Variants in HAAO observed in about 807,000 individuals in gnomAD.
HAAO encodes the protein 3-hydroxyanthranilate oxygenase.
In HAAO, 49 loss-of-function variants were observed where a neutral mutation model predicts 46.2. The ratio of observed to expected loss-of-function variants is 1.06; its 90% CI spans 0.84 to 1.34. The LOEUF is 1.34. Among genes scored for constraint, HAAO ranks in the 40% most tolerant of loss-of-function variants. The pLI is 0.00. For missense variants in HAAO, 408 were observed against 364.5 expected, an observed-to-expected ratio of 1.12 and a Z score of -0.97; for synonymous variants, 157 against 145.2, an observed-to-expected ratio of 1.08 and a Z score of -0.58.
chr2:42,779,834 G>C (rs1416868031), intron 4 of HAAO, among the ~76,000 whole-genome samples: 2 of 152,156 alleles, frequency 1.3e-5, no homozygotes. Context: ...AATCTGTTAA[G>C]ATATTGGGTT....
rs1480578484 is a variant in HAAO at position 42,768,014 on chromosome 2, G to T, written c.631-86C>A. ...AACCTGGCCCCCAGACACCAGGCCT[G>T]CTTGGAGCAGGGTTGGGGCCCATGA... On this transcript the variant is annotated intron_variant, in intron 7 of 9. Transcript: ENST00000294973. 4 of 1,194,250 alleles carry T rather than the reference G, an allele frequency of 3.3e-6. No homozygotes were observed. In the Admixed American group the frequency reaches 7.0e-5, roughly 21 times the overall value. 74.0% of individuals were successfully genotyped at this position (1,194,250 alleles called of 1,614,324 possible). A position where few individuals can be genotyped will look rare whatever the true frequency, so the allele number is the denominator to read the frequency against.
At chr2:42,782,912 C>G (rs1232401104) in intron 4 of HAAO, 4 of 462,202 alleles carry the variant, frequency 8.7e-6, no homozygotes, top group Non-Finnish European at 1.7e-5. Context: ...GAGCTGTGCT[C>G]TTACGACTTT....
intron 1 of HAAO, chr2:42,788,956 C>G (rs946425725): frequency 3.2e-6 from 1 of 314,398 alleles, no homozygotes; most frequent in African/African-American, 2.1e-5. Flanking sequence ...TTGAAGACCC[C>G]TTCCCAGGAT....
chr2:42,778,560 C>T (rs1002792343), intron 4 of HAAO, among the ~76,000 whole-genome samples: 1 of 152,108 alleles, frequency 6.6e-6, no homozygotes, highest in Non-Finnish European at 1.5e-5. Flanking sequence ...GAAACTCTGA[C>T]CTCATGATTT....
chr2:42,789,678 C>T (rs998412388), intron 1 of HAAO, among the ~76,000 whole-genome samples: 3 of 152,218 alleles, frequency 2.0e-5, no homozygotes, highest in Non-Finnish European at 2.9e-5. Context: ...TGAGCCAGGT[C>T]TCAGGCTCCT....
chr2:42,788,279 C>T (rs936087405), intron 2 of HAAO, among the ~76,000 whole-genome samples: 1 of 152,236 alleles, frequency 6.6e-6, no homozygotes, highest in Non-Finnish European at 1.5e-5. Context: ...ACCTCTCACC[C>T]GCAGGGCATG....
rs1573890045 is a variant in HAAO, at chr2:42,767,431, A to G, written c.*6T>C. 1.9e-6 allele frequency: 3 copies of G among 1,608,766 alleles called. No homozygotes were observed. The East Asian group carries it at 6.7e-5, about 36-fold the overall frequency. On this transcript the variant is annotated 3_prime_UTR_variant, in exon 10 of 10. Transcript: ENST00000294973. Reference sequence around the variant, plus strand: ...CCTGTGGCTGCTTCAGGCCATGGCAAGAGGGTCACCCCAGGGGCTTCTTGC... The same window carrying G: ...CCTGTGGCTGCTTCAGGCCATGGCAGGAGGGTCACCCCAGGGGCTTCTTGC...
At chr2:42,787,963 A>G (rs1261444721) in intron 2 of HAAO, among the ~76,000 whole-genome samples, 1 of 152,058 alleles carries the variant, frequency 6.6e-6, no homozygotes, top group Non-Finnish European at 1.5e-5. Context: ...CAAGCCACGA[A>G]TGGGTTTTGC....
chr2:42,788,940 A>G (rs1370754769), intron 1 of HAAO: 1 of 327,978 alleles, frequency 3.0e-6, no homozygotes, highest in Non-Finnish European at 5.9e-6. Context: ...ACAGGAGAGT[A>G]GCAAATTGAA....
At position 42,792,547 on chromosome 2, in the gene HAAO, G is replaced by C. The variant is rs770212366; in HGVS notation, c.-11C>G. ...CAGGCGGCGCTCCATGACTGTCCCGGGCGCCTCCTCGCAGCGCTGTCCTCC... is the reference window on the plus strand; with the variant it reads ...CAGGCGGCGCTCCATGACTGTCCCGCGCGCCTCCTCGCAGCGCTGTCCTCC... On this transcript the variant is annotated 5_prime_UTR_variant, in exon 1 of 10. Coordinates refer to ENST00000294973, the MANE Select transcript of HAAO (RefSeq NM_012205.3). The C allele has an allele frequency of 1.4e-5, 21 of 1,549,084 alleles. No individual in the cohort carries two copies. The South Asian group carries it at 2.4e-4, about 18-fold the overall frequency.
At chr2:42,779,953 A>G (rs537882778) in intron 4 of HAAO, among the ~76,000 whole-genome samples, 1 of 152,306 alleles carries the variant, frequency 6.6e-6, no homozygotes, top group Non-Finnish European at 1.5e-5. Context: ...GTATTTGTAT[A>G]AATATATTAT....
At position 42,767,110 on chromosome 2, in the gene HAAO, A is replaced by C; in HGVS notation, c.*327T>G. ...GGTGTGCGTTCCTCAGGAAGCCTTT[A>C]TTGAGGGCCTTCTTGGTGTGGAAGT... is the stretch of plus-strand genomic sequence containing the variant. On this transcript the variant is annotated 3_prime_UTR_variant, in exon 10 of 10. Coordinates refer to ENST00000294973, the MANE Select transcript of HAAO (RefSeq NM_012205.3). 1 of 441,340 alleles carries C rather than the reference A, an allele frequency of 2.3e-6. No homozygotes were observed. Among genetic ancestry groups the C allele is most frequent in the Non-Finnish European group, 4.2e-6 (1 of 237,330 alleles). The allele number at this position is 441,340 out of a possible 1,614,324, so 27.3% of individuals were successfully genotyped here. A position where few individuals can be genotyped will look rare whatever the true frequency, so the allele number is the denominator to read the frequency against.
Position 42,767,317 on chromosome 2 carries a change from C to A in HAAO, c.*120G>T, listed in dbSNP as rs59439781. 0.02 allele frequency: 14,639 copies of A among 733,292 alleles called. 1,457 individuals are homozygous for A. In the African/African-American group the frequency reaches 0.21, roughly 11 times the overall value. 45.4% of individuals were successfully genotyped at this position (733,292 alleles called of 1,614,324 possible). On this transcript the variant is annotated 3_prime_UTR_variant, in exon 10 of 10. Transcript: ENST00000294973. ...GGGTGGGTGACAACAATGTGCAGGT[C>A]TGTGGGGGACACAGCGGCAGTACAC... is the stretch of plus-strand genomic sequence containing the variant.
intron 1 of HAAO, chr2:42,789,278 T>C (rs935177766): frequency 6.6e-6 from 1 of 152,348 alleles, no homozygotes; most frequent in Non-Finnish European, 1.5e-5. Flanking sequence ...TATTTAAGTA[T>C]TTGATAAAAT....
In HAAO at chr2:42,769,712, C is replaced by A; in HGVS notation, c.630+1G>T. On this transcript the variant is annotated splice_donor_variant, in intron 7 of 9. Coordinates refer to ENST00000294973, the MANE Select transcript of HAAO (RefSeq NM_012205.3). LOFTEE classifies it high-confidence loss of function. ...CCCCGGATGCCCCAGGACTACATTA[C>A]CTGGGTCTCATAGGTGTCCCCAAAC... 1 of 1,608,022 alleles carries A rather than the reference C, an allele frequency of 6.2e-7. No homozygotes were observed. The highest frequency in any genetic ancestry group is 8.5e-7 in the Non-Finnish European group (1 of 1,176,948).
intron 6 of HAAO, 136 bp from the exon 7 acceptor site, chr2:42,769,994 G>T: frequency 8.7e-7 from 1 of 1,155,194 alleles, no homozygotes; most frequent in Non-Finnish European, 1.3e-6. Flanking sequence ...AAGCAGCCAT[G>T]TGGGAGGTAC....
Position 42,783,445 on chromosome 2 carries a change from C to T in HAAO, c.244-25G>A, listed in dbSNP as rs1246751300. 7 of 1,425,312 alleles carry T rather than the reference C, an allele frequency of 4.9e-6. No individual in the cohort carries two copies. The South Asian group carries it at 7.0e-5, about 14-fold the overall frequency. 88.3% of individuals were successfully genotyped at this position (1,425,312 alleles called of 1,614,324 possible). On this transcript the variant is annotated intron_variant, in intron 3 of 9. Coordinates refer to ENST00000294973, the MANE Select transcript of HAAO (RefSeq NM_012205.3). ...TCTGCAGTGGTAGAGATAAGGTGCA[C>T]AGTGAGGCTGCAATCCCTCATGGAG... is the stretch of plus-strand genomic sequence containing the variant.
At chr2:42,770,269 G>A (rs1671009137) in intron 5 of HAAO, 83 bp from the exon 6 acceptor site, 3 of 1,203,494 alleles carry the variant, frequency 2.5e-6, no homozygotes, top group South Asian at 2.6e-5. Flanking sequence ...CCACACTCAC[G>A]GTCAGGTGCA....
rs35746707 is a variant in HAAO, at chr2:42,769,569, A to ATGTGTGTGTG, written c.630+134_630+143dup. The ATGTGTGTGTG allele has an allele frequency of 1.7e-3, 983 of 588,546 alleles. 1 individual carries two copies. Among genetic ancestry groups the ATGTGTGTGTG allele is most frequent in the Non-Finnish European group, 2.4e-3 (826 of 346,076 alleles). The allele number at this position is 588,546 out of a possible 1,614,324, so 36.5% of individuals were successfully genotyped here. A position where few individuals can be genotyped will look rare whatever the true frequency, so the allele number is the denominator to read the frequency against. On this transcript the variant is annotated intron_variant, in intron 7 of 9. Transcript: ENST00000294973. ...TATGCTCATGTCTACAACCTCTGAA[A>ATGTGTGTGTG]TGTGTGTGTGTGTGTGTGTGTGTGT...
Sources: allele counts gnomAD v4.1 joint callset (sites outside exome capture counted in the v4.1 genomes callset), GRCh38; gene constraint gnomAD v4.1.1; transcripts MANE v1.5; gene names NCBI Gene and HGNC (gene_info 2026-07-23, HGNC 2026-07-21).